The following MMP26 variants were observed in gnomAD, a reference collection of about 807,000 sequenced individuals.
MMP26 encodes matrix metalloproteinase-26.
In MMP26, 33 loss-of-function variants were observed where a neutral mutation model predicts 31.0. The observed-to-expected ratio is 1.06, with a 90% confidence interval of 0.81 to 1.42. The LOEUF (loss-of-function observed/expected upper bound fraction) is 1.42. Among genes scored for constraint, MMP26 ranks in the 40% most tolerant of loss-of-function variants. The probability of loss-of-function intolerance (pLI) is 0.00; values close to 1 mark genes in which losing one functional copy is unlikely to be tolerated. For missense variants in MMP26, 347 were observed against 316.1 expected, an observed-to-expected ratio of 1.10 and a Z score of -0.74; for synonymous variants, 122 against 114.9, an observed-to-expected ratio of 1.06 and a Z score of -0.40.
At chr11:4,732,958 C>G (rs1356465219) in intron 1 of MMP26, among the ~76,000 whole-genome samples, 1 of 152,196 alleles carries the variant, frequency 6.6e-6, no homozygotes, top group Non-Finnish European at 1.5e-5. Flanking sequence ...AATTAGCTGA[C>G]AGGACACGTG....
intron 2 of MMP26, among the ~76,000 whole-genome samples, chr11:4,835,938 G>C (rs1275098418): frequency 6.6e-6 from 1 of 151,720 alleles, no homozygotes; most frequent in African/African-American, 2.4e-5. Flanking sequence ...TGTAAGATAA[G>C]AACTGCTTTA....
rs374212421 is a variant in MMP26, at chr11:4,927,022, G to A, written c.-144-61046G>A. On this transcript the variant is annotated intron_variant, in intron 2 of 7. Transcript: ENST00000380390. ...TTAGTGGATCAGAGAAGTATCATCT[G>A]ATTTCCTCCACTAGACTGCATGAGA... Among the ~76,000 whole-genome samples the A allele has an allele frequency of 3.9e-5, 6 of 152,264 alleles. No homozygotes were observed. The East Asian group carries it at 9.6e-4, about 24-fold the overall frequency.
chr11:4,804,007 C>T, intron 2 of MMP26: 1 of 1,613,890 alleles, frequency 6.2e-7, no homozygotes, highest in Non-Finnish European at 8.5e-7. Context: ...AGCCACGTAG[C>T]AGTCCAGGGC....
At chr11:4,911,691 T>G (rs1850994079) in intron 2 of MMP26, among the ~76,000 whole-genome samples, 1 of 152,190 alleles carries the variant, frequency 6.6e-6, no homozygotes, top group South Asian at 2.1e-4. Context: ...TGTTCACAAT[T>G]TTGTTCAGAA....
At chr11:4,807,200 A>G (rs1849282618) in intron 2 of MMP26, among the ~76,000 whole-genome samples, 1 of 152,142 alleles carries the variant, frequency 6.6e-6, no homozygotes, top group African/African-American at 2.4e-5. Context: ...CAGTAATGGG[A>G]TCGCTGGGTC....
chr11:4,918,215 C>T (rs1048135604), intron 2 of MMP26, among the ~76,000 whole-genome samples: 3 of 152,052 alleles, frequency 2.0e-5, no homozygotes, highest in Non-Finnish European at 4.4e-5. Context: ...AAACTTAGAT[C>T]TCTATAGCTT....
intron 1 of MMP26, among the ~76,000 whole-genome samples, chr11:4,731,604 A>G (rs995117030): frequency 6.6e-6 from 1 of 152,196 alleles, no homozygotes; most frequent in Non-Finnish European, 1.5e-5. Context: ...GAAAGGCACT[A>G]TAAGATATGC....
chr11:4,843,892 C>A (rs893266476), intron 2 of MMP26, among the ~76,000 whole-genome samples: 1 of 151,818 alleles, frequency 6.6e-6, no homozygotes, highest in African/African-American at 2.4e-5. Flanking sequence ...TGGGTGTACA[C>A]CGTTATAAGA....
chr11:4,935,484 A>G (rs1206939924), intron 2 of MMP26, among the ~76,000 whole-genome samples: 1 of 149,982 alleles, frequency 6.7e-6, no homozygotes, highest in African/African-American at 2.4e-5. Flanking sequence ...GGGCTGAGAC[A>G]ATGGGGTTTT....
At chr11:4,817,871 A>G (rs1053482792) in intron 2 of MMP26, among the ~76,000 whole-genome samples, 2 of 152,086 alleles carry the variant, frequency 1.3e-5, no homozygotes, top group Non-Finnish European at 2.9e-5. Context: ...CTACAAATAC[A>G]CTTGGCTGGA....
At chr11:4,959,152 G>A (rs1291292897) in intron 2 of MMP26, among the ~76,000 whole-genome samples, 4 of 147,144 alleles carry the variant, frequency 2.7e-5, no homozygotes, top group South Asian at 4.3e-4. Flanking sequence ...GCAGGAGAAC[G>A]GCGTGAATAC....
At chr11:4,958,187 C>T (rs1564815103) in intron 2 of MMP26, among the ~76,000 whole-genome samples, 1 of 152,148 alleles carries the variant, frequency 6.6e-6, no homozygotes, top group African/African-American at 2.4e-5. Context: ...CCTCCTATCC[C>T]CCCTTCCTCT....
intron 1 of MMP26, among the ~76,000 whole-genome samples, chr11:4,717,441 A>C (rs1354438744): frequency 2.6e-5 from 4 of 152,192 alleles, no homozygotes; most frequent in Admixed American, 6.5e-5. Flanking sequence ...AGAAAAACAT[A>C]GTTGTAGCGG....
At chr11:4,748,012 G>A (rs1001930984) in intron 1 of MMP26, among the ~76,000 whole-genome samples, 1 of 151,636 alleles carries the variant, frequency 6.6e-6, no homozygotes, top group African/African-American at 2.4e-5. Flanking sequence ...ATTAAAAGGT[G>A]GTTCTTTGAA....
At chr11:4,813,272 T>C (rs1012384724) in intron 2 of MMP26, among the ~76,000 whole-genome samples, 1 of 152,180 alleles carries the variant, frequency 6.6e-6, no homozygotes, top group Non-Finnish European at 1.5e-5. Flanking sequence ...ACCCTAAAGA[T>C]GGCCTTGTAT....
At chr11:4,854,687 C>T (rs542939671) in intron 2 of MMP26, among the ~76,000 whole-genome samples, 1 of 152,318 alleles carries the variant, frequency 6.6e-6, no homozygotes, top group South Asian at 2.1e-4. Flanking sequence ...ACTTAAATGT[C>T]CCTGTTTGAC....
At chr11:4,849,051 A>T in intron 2 of MMP26, 1 of 1,614,042 alleles carries the variant, frequency 6.2e-7, no homozygotes, top group Non-Finnish European at 8.5e-7. Context: ...GATCCAGAGG[A>T]TGGTGCCATT....
At chr11:4,720,945 T>G (rs1564894284) in intron 1 of MMP26, among the ~76,000 whole-genome samples, 1 of 152,056 alleles carries the variant, frequency 6.6e-6, no homozygotes, top group African/African-American at 2.4e-5. Context: ...TGGGAAAAAA[T>G]AAAACTAGAA....
At chr11:4,750,875 C>T (rs375237601) in intron 1 of MMP26, among the ~76,000 whole-genome samples, 1 of 151,842 alleles carries the variant, frequency 6.6e-6, no homozygotes, top group African/African-American at 2.4e-5. Context: ...CAGCACTATG[C>T]AATATATCCA....
Sources: allele counts gnomAD v4.1 joint callset (sites outside exome capture counted in the v4.1 genomes callset), GRCh38; gene constraint gnomAD v4.1.1; transcripts MANE v1.5; gene names NCBI Gene and HGNC (gene_info 2026-07-23, HGNC 2026-07-21).